The following LRRC1 variants were observed in gnomAD, a reference collection of about 807,000 sequenced individuals.
The protein encoded by LRRC1 is leucine-rich repeat-containing protein 1.
In LRRC1, 28 loss-of-function variants were observed where a neutral mutation model predicts 69.9. The ratio of observed to expected loss-of-function variants is 0.40; its 90% CI spans 0.30 to 0.55. LRRC1 has a LOEUF of 0.55. Ranked by LOEUF, LRRC1 falls within the 20% of genes least tolerant of loss-of-function variation. The probability of loss-of-function intolerance (pLI) is 0.47; values close to 1 mark genes in which losing one functional copy is unlikely to be tolerated. For missense variants in LRRC1, 498 were observed against 609.0 expected (o/e 0.82, Z 1.92); for synonymous variants, 236 against 240.2 (o/e 0.98, Z 0.16).
At chr6:53,819,823 C>A (rs1056478166) in intron 1 of LRRC1, among the ~76,000 whole-genome samples, 11 of 152,284 alleles carry the variant, frequency 7.2e-5, no homozygotes, top group Non-Finnish European at 1.0e-4. Flanking sequence ...TTAGCCAGGG[C>A]AGATAACTGT....
chr6:53,803,183 C>G lies in LRRC1; in HGVS notation c.159+7768C>G, dbSNP rs2127402707. 2.0e-5 allele frequency among the ~76,000 whole-genome samples: 3 copies of G among 152,294 alleles called. No homozygotes were observed. The South Asian group carries it at 6.2e-4, about 32-fold the overall frequency. On this transcript the variant is annotated intron_variant, in intron 1 of 13. Coordinates refer to ENST00000370888, the MANE Select transcript of LRRC1 (RefSeq NM_018214.5). ...CTTGAGATTTTAGGAGTAAGCCACT[C>G]TTGAGATTTACACAAGAGTATCAGA... is the stretch of plus-strand genomic sequence containing the variant.
chr6:53,815,647 T>G (rs936269714), intron 1 of LRRC1, among the ~76,000 whole-genome samples: 1 of 152,204 alleles, frequency 6.6e-6, no homozygotes, highest in Non-Finnish European at 1.5e-5. Flanking sequence ...CTGTAAGATT[T>G]GGTCTGTTCA....
At chr6:53,798,378 T>C (rs1206303535) in intron 1 of LRRC1, among the ~76,000 whole-genome samples, 1 of 152,240 alleles carries the variant, frequency 6.6e-6, no homozygotes, top group Non-Finnish European at 1.5e-5. Context: ...TTGTTTATTT[T>C]TTATTTATTT....
At chr6:53,873,354 C>T (rs1167459782) in intron 2 of LRRC1, among the ~76,000 whole-genome samples, 20 of 148,812 alleles carry the variant, frequency 1.3e-4, no homozygotes, top group Admixed American at 4.7e-4. Context: ...TGCAGTGGTG[C>T]GATCTGGGCT....
intron 2 of LRRC1, among the ~76,000 whole-genome samples, chr6:53,873,832 A>G (rs1271751090): frequency 1.3e-5 from 2 of 152,158 alleles, no homozygotes; most frequent in Non-Finnish European, 2.9e-5. Context: ...GATCTTACGA[A>G]AAAAGCTTTC....
intron 1 of LRRC1, among the ~76,000 whole-genome samples, chr6:53,804,429 G>T (rs972927425): frequency 6.6e-6 from 1 of 151,980 alleles, no homozygotes; most frequent in Non-Finnish European, 1.5e-5. Flanking sequence ...TATTTTAATG[G>T]ATTGTTTCTT....
intron 3 of LRRC1, among the ~76,000 whole-genome samples, chr6:53,881,306 C>T (rs748532076): frequency 2.0e-5 from 3 of 152,162 alleles, no homozygotes; most frequent in African/African-American, 4.8e-5. Context: ...GACTGCAGTT[C>T]GTTTCTCCTA....
intron 2 of LRRC1, among the ~76,000 whole-genome samples, chr6:53,862,848 C>G (rs1766576172): frequency 6.6e-6 from 1 of 152,114 alleles, no homozygotes; most frequent in Non-Finnish European, 1.5e-5. Flanking sequence ...CCCTGCACAC[C>G]CGGAACAACA....
chr6:53,882,375 G>A (rs776593083), intron 3 of LRRC1, among the ~76,000 whole-genome samples: 2 of 152,160 alleles, frequency 1.3e-5, no homozygotes, highest in Non-Finnish European at 2.9e-5. Flanking sequence ...GCAATTGTCT[G>A]TCAGTGGATC....
At chr6:53,865,579 A>G (rs1766675698) in intron 2 of LRRC1, among the ~76,000 whole-genome samples, 1 of 151,922 alleles carries the variant, frequency 6.6e-6, no homozygotes, top group Non-Finnish European at 1.5e-5. Flanking sequence ...ATGCCATATT[A>G]TTTTTTGTTT....
At chr6:53,845,823 C>T (rs569333343) in intron 2 of LRRC1, among the ~76,000 whole-genome samples, 5 of 152,282 alleles carry the variant, frequency 3.3e-5, no homozygotes, top group African/African-American at 1.2e-4. Context: ...CCCTGCTGGT[C>T]CCCAGCCACA....
intron 2 of LRRC1, among the ~76,000 whole-genome samples, chr6:53,875,817 A>G (rs1235358885): frequency 6.6e-6 from 1 of 152,130 alleles, no homozygotes; most frequent in Admixed American, 6.5e-5. Context: ...TGATGCTTTG[A>G]TACATATAAT....
chr6:53,861,544 T>A (rs893566259), intron 2 of LRRC1, among the ~76,000 whole-genome samples: 1 of 151,488 alleles, frequency 6.6e-6, no homozygotes, highest in African/African-American at 2.4e-5. Context: ...ATGATTCTTT[T>A]GTGCTCTGAA....
In LRRC1 at chr6:53,879,081, C is replaced by T; in HGVS notation, c.356+10C>T. The T allele has an allele frequency of 6.3e-7, 1 of 1,599,210 alleles. No homozygotes were observed. ...GAAACCCACTGACTAGGTAAGCTTT[C>T]TGCTTACTTTTCTGTCTATACTAGT... is the stretch of plus-strand genomic sequence containing the variant. On this transcript the variant is annotated intron_variant, in intron 3 of 13. Transcript: ENST00000370888.
chr6:53,896,466 T>A, intron 4 of LRRC1, 32 bp from the exon 5 acceptor site: 1 of 1,589,826 alleles, frequency 6.3e-7, no homozygotes, highest in African/African-American at 1.3e-5. Context: ...GGAATTTCTC[T>A]TATGCTTTTT....
chr6:53,919,798 G>T, intron 12 of LRRC1, 128 bp downstream of exon 12: 1 of 771,346 alleles, frequency 1.3e-6, no homozygotes, highest in Non-Finnish European at 2.0e-6. Context: ...GCCAGCTCAG[G>T]TGAGGCCACT....
chr6:53,842,060 T>G, intron 1 of LRRC1, 50 bp from the exon 2 acceptor site: 2 of 1,205,186 alleles, frequency 1.7e-6, no homozygotes, highest in Non-Finnish European at 2.4e-6. Flanking sequence ...GCCCAAAAGT[T>G]TATGATACAA....
chr6:53,903,404 C>T (rs1203800468), intron 9 of LRRC1, among the ~76,000 whole-genome samples: 1 of 152,120 alleles, frequency 6.6e-6, no homozygotes, highest in Non-Finnish European at 1.5e-5. Flanking sequence ...CTTTTCCTGT[C>T]CTGCTGCCCC....
intron 2 of LRRC1, among the ~76,000 whole-genome samples, chr6:53,851,521 T>C (rs982995420): frequency 1.3e-5 from 2 of 152,172 alleles, no homozygotes; most frequent in African/African-American, 4.8e-5. Context: ...GCAGATTGGA[T>C]GATGCCCACT....
Sources: allele counts gnomAD v4.1 joint callset (sites outside exome capture counted in the v4.1 genomes callset), GRCh38; gene constraint gnomAD v4.1.1; transcripts MANE v1.5; gene names NCBI Gene and HGNC (gene_info 2026-07-23, HGNC 2026-07-21).